PDE4D: variants seen among roughly 807,000 people sequenced by gnomAD.
PDE4D encodes phosphodiesterase 4D.
Under a neutral mutation model 87.4 loss-of-function variants are expected in PDE4D, and 24 were observed. The observed-to-expected ratio is 0.27, with a 90% CI of 0.20 to 0.39. The LOEUF (loss-of-function observed/expected upper bound fraction) is 0.39, where lower values mean the gene tolerates loss of function less well. PDE4D is among the 10% of genes least tolerant of loss of function. The pLI is 1.00. For missense variants in PDE4D, 714 were observed against 1,041.0 expected (o/e 0.69, Z 4.32); for synonymous variants, 384 against 383.2 (o/e 1.00, Z -0.02).
rs766304119 is a variant in PDE4D at position 59,077,480 on chromosome 5, T to G, written c.809-38509A>C. On this transcript the variant is annotated intron_variant, in intron 5 of 14. Transcript: ENST00000340635. The stretch of plus-strand genomic sequence containing the variant: ...CAACTGATTTTTTTTTTCTTCTTTT[T>G]TTTTTTTTTTTGAGACAGAGTCTCA... 5.3e-3 allele frequency among the ~76,000 whole-genome samples: 801 copies of G among 149,950 alleles called. 2 individuals carry two copies. The highest frequency in any genetic ancestry group is 7.5e-3 in the Non-Finnish European group (505 of 67,392).
At chr5:59,245,825 A>G (rs760672273) in intron 1 of PDE4D, among the ~76,000 whole-genome samples, 1 of 151,998 alleles carries the variant, frequency 6.6e-6, no homozygotes, top group Non-Finnish European at 1.5e-5. Context: ...AAATGCCACT[A>G]AACTGCAAAG....
intron 2 of PDE4D, among the ~76,000 whole-genome samples, chr5:60,105,330 C>T (rs367856256): frequency 4.7e-4 from 71 of 152,144 alleles, no homozygotes; most frequent in South Asian, 1.7e-3. Flanking sequence ...TAAAAAGAAA[C>T]GAACAAAGCC....
At chr5:59,094,785 T>TAGTA (rs1769387040) in intron 5 of PDE4D, among the ~76,000 whole-genome samples, 1 of 152,178 alleles carries the variant, frequency 6.6e-6, no homozygotes. Flanking sequence ...TGCCTCTGAA[T>TAGTA]AGTATATAGA....
At chr5:60,038,669 A>G (rs1171015171) in intron 2 of PDE4D, among the ~76,000 whole-genome samples, 3 of 151,976 alleles carry the variant, frequency 2.0e-5, no homozygotes, top group Non-Finnish European at 4.4e-5. Context: ...ATGGGAGAAA[A>G]TTGTCGCAAC....
At chr5:59,937,522 A>T (rs561279897) in intron 3 of PDE4D, among the ~76,000 whole-genome samples, 133 of 152,012 alleles carry the variant, frequency 8.7e-4, no homozygotes, top group African/African-American at 3.1e-3. Flanking sequence ...TCTGGTGAAG[A>T]CTCTTTTCCA....
intron 1 of PDE4D, among the ~76,000 whole-genome samples, chr5:59,234,853 A>G (rs937179036): frequency 6.6e-6 from 1 of 152,142 alleles, no homozygotes; most frequent in Non-Finnish European, 1.5e-5. Context: ...AGTCTTTGAG[A>G]ATTACAGAGT....
intron 1 of PDE4D, among the ~76,000 whole-genome samples, chr5:59,700,380 T>C (rs1019976837): frequency 1.3e-5 from 2 of 152,134 alleles, no homozygotes; most frequent in Non-Finnish European, 2.9e-5. Context: ...GTTAAAAAAT[T>C]AAATAACGAC....
chr5:58,989,575 T>C (rs1747377924), intron 10 of PDE4D, among the ~76,000 whole-genome samples, 180 bp downstream of exon 10: 1 of 151,554 alleles, frequency 6.6e-6, no homozygotes. Flanking sequence ...CCAACTTTCA[T>C]AAGCAAAATC....
At chr5:60,044,827 G>A (rs376750117) in intron 2 of PDE4D, among the ~76,000 whole-genome samples, 12 of 152,078 alleles carry the variant, frequency 7.9e-5, no homozygotes, top group Admixed American at 5.2e-4. Context: ...ATAAACATAC[G>A]TGTGCATGTG....
At chr5:59,824,439 G>C (rs1770078773) in intron 1 of PDE4D, among the ~76,000 whole-genome samples, 1 of 152,136 alleles carries the variant, frequency 6.6e-6, no homozygotes, top group African/African-American at 2.4e-5. Context: ...CTTGTTCACT[G>C]CAGCATCCCT....
chr5:59,383,174 C>T (rs769135090), intron 1 of PDE4D, among the ~76,000 whole-genome samples: 15 of 152,122 alleles, frequency 9.9e-5, no homozygotes, highest in Non-Finnish European at 1.8e-4. Context: ...ACTCAGAGTT[C>T]AATCAATTAA....
intron 1 of PDE4D, among the ~76,000 whole-genome samples, chr5:59,648,329 A>T (rs1742812472): frequency 6.6e-6 from 1 of 152,304 alleles, no homozygotes; most frequent in Middle Eastern, 3.4e-3. Context: ...CTATTCAGTG[A>T]CATCTCAATA....
intron 1 of PDE4D, among the ~76,000 whole-genome samples, chr5:60,468,137 C>CTTTTTTT (rs570783072): frequency 0.11 from 15,685 of 140,828 alleles, 999 homozygotes; most frequent in Non-Finnish European, 0.15. Context: ...TTTCTTTTTT[C>CTTTTTTT]TTTTTTTTTT....
intron 1 of PDE4D, among the ~76,000 whole-genome samples, chr5:59,632,906 G>T (rs1007997497): frequency 1.3e-5 from 2 of 152,084 alleles, no homozygotes; most frequent in Non-Finnish European, 2.9e-5. Flanking sequence ...CACAGAAATA[G>T]GCTTCAGAAG....
chr5:59,046,420 A>AATGTG (rs1561382650), intron 5 of PDE4D, among the ~76,000 whole-genome samples: 279 of 143,434 alleles, frequency 1.9e-3, no homozygotes, highest in Non-Finnish European at 3.6e-3. Flanking sequence ...GAGAGAGAGA[A>AATGTG]TGTGTGTGTG....
At chr5:59,226,634 A>G (rs918115070) in intron 1 of PDE4D, among the ~76,000 whole-genome samples, 4 of 147,872 alleles carry the variant, frequency 2.7e-5, no homozygotes, top group African/African-American at 7.5e-5. Flanking sequence ...GGTAGATCTC[A>G]TATTATGTGT....
At chr5:59,228,442 A>C (rs575460504) in intron 1 of PDE4D, among the ~76,000 whole-genome samples, 1,903 of 114,252 alleles carry the variant, frequency 0.017, 22 homozygotes, top group Non-Finnish European at 0.025. Context: ...ACAACAACAA[A>C]AAAAAAAAAC....
At chr5:59,345,769 C>A (rs1183027976) in intron 1 of PDE4D, among the ~76,000 whole-genome samples, 2 of 152,164 alleles carry the variant, frequency 1.3e-5, no homozygotes, top group East Asian at 3.8e-4. Flanking sequence ...ATAAATGTGG[C>A]AACCAGTATA....
At chr5:59,308,008 A>G (rs1250646838) in intron 1 of PDE4D, among the ~76,000 whole-genome samples, 4 of 152,208 alleles carry the variant, frequency 2.6e-5, no homozygotes, top group Non-Finnish European at 4.4e-5. Flanking sequence ...TGGCACATAT[A>G]CACCATGGAA....
Sources: gnomAD v4.1 joint callset for allele counts (sites outside exome capture counted in the v4.1 genomes callset) on GRCh38, gnomAD v4.1.1 for gene constraint, MANE v1.5 for transcripts, NCBI Gene and HGNC (gene_info 2026-07-23, HGNC 2026-07-21) for gene names.